The following SMCO1 variants were observed in gnomAD, a reference collection of about 807,000 sequenced individuals.
SMCO1 encodes single-pass membrane and coiled-coil domain-containing protein 1.
In SMCO1, 9 loss-of-function variants were observed where a neutral mutation model predicts 7.5. That is an observed-to-expected ratio of 1.20 (90% confidence interval 0.72 to 2.09). The LOEUF is 2.09. Ranked by LOEUF, SMCO1 falls within the 30% of genes most tolerant of loss-of-function variation. The pLI is 0.00. For missense variants in SMCO1, 219 were observed against 253.1 expected (o/e 0.87, Z 0.91); for synonymous variants, 90 against 93.8 (o/e 0.96, Z 0.23).
upstream of SMCO1, among the ~76,000 whole-genome samples, chr3:196,517,961 AG>A: frequency 6.6e-6 from 1 of 152,374 alleles, no homozygotes. Context: ...TGGAAAAACC[AG>A]ACCTGCAAGC....
intron 1 of SMCO1, among the ~76,000 whole-genome samples, chr3:196,512,944 C>G (rs1252229410): frequency 6.6e-6 from 1 of 152,216 alleles, no homozygotes; most frequent in Non-Finnish European, 1.5e-5. Flanking sequence ...CTGCTTTACA[C>G]ATAGATAAGA....
chr3:196,508,080 T>C lies in SMCO1; in HGVS notation c.452A>G (p.Glu151Gly). The part of the protein sequence containing the change: ...TFFIARGNKA[E>G]HYTAKVRQMY... The stretch of plus-strand genomic sequence containing the variant: ...CTGCCTCACTTTAGCAGTATAGTGT[T>C]CTGCCTTGTTACCACGTGCAATAAA... Residue 151 changes from glutamate to glycine, a missense_variant, in exon 3 of 3, where the codon GAA (glutamate) becomes GGA (glycine). Transcript: ENST00000397537. 2 of 1,614,194 alleles carry C rather than the reference T, an allele frequency of 1.2e-6. No homozygotes were observed. Among genetic ancestry groups the C allele is most frequent in the Non-Finnish European group, 1.7e-6 (2 of 1,180,034 alleles).
At chr3:196,511,206 T>A (rs867048086) in intron 1 of SMCO1, among the ~76,000 whole-genome samples, 809 of 77,048 alleles carry the variant, frequency 0.01, 76 homozygotes, top group African/African-American at 0.048. Flanking sequence ...CTAGATTGTC[T>A]TTATGAGGGA....
upstream of SMCO1, among the ~76,000 whole-genome samples, chr3:196,518,866 G>A (rs187605990): frequency 1.3e-5 from 2 of 152,284 alleles, no homozygotes; most frequent in East Asian, 3.9e-4. Flanking sequence ...GGAGAACATG[G>A]AGACCCCCCC....
Position 196,515,346 on chromosome 3 carries a change from T to C in SMCO1, c.-137A>G. The C allele has an allele frequency of 1.5e-6, 1 of 662,984 alleles. No individual in the cohort carries two copies. Among genetic ancestry groups the C allele is most frequent in the Non-Finnish European group, 2.7e-6 (1 of 371,298 alleles). 41.1% of individuals were successfully genotyped at this position (662,984 alleles called of 1,614,324 possible). On this transcript the variant is annotated 5_prime_UTR_variant, in exon 1 of 3. Coordinates refer to ENST00000397537, the MANE Select transcript of SMCO1 (RefSeq NM_001077657.3). ...AGGAGCGCTCAGTCTACATTCTGCC[T>C]GAAAGGTCACTCAGTACAAGAAGCT... is the stretch of plus-strand genomic sequence containing the variant.
chr3:196,508,062 A>G lies in SMCO1; in HGVS notation c.470T>C (p.Val157Ala), dbSNP rs745316185. The change falls in exon 3 of 3, where the codon GTG becomes GCG. Residue 157 changes from valine (V) to alanine (A), a missense_variant. Coordinates refer to ENST00000397537, the MANE Select transcript of SMCO1 (RefSeq NM_001077657.3). Reference sequence around the variant, plus strand: ...GACATCCCTGATGTACATCTGCCTCACTTTAGCAGTATAGTGTTCTGCCTT... The same window carrying G: ...GACATCCCTGATGTACATCTGCCTCGCTTTAGCAGTATAGTGTTCTGCCTT... ...GNKAEHYTAK[V>A]RQMYIRDVTF... 1 of 1,614,134 alleles carries G rather than the reference A, an allele frequency of 6.2e-7. No individual in the cohort carries two copies. The highest frequency in any genetic ancestry group is 1.1e-5 in the South Asian group (1 of 91,080).
chr3:196,508,276 A>G lies in SMCO1; in HGVS notation c.256T>C (p.Cys86Arg). Reference protein sequence around the residue: ...LYSYVIEVLICLHTRVLEKLP... With the variant: ...LYSYVIEVLIRLHTRVLEKLP... ...TTCTCAAGCACACGAGTATGCAAGCAGATAAGTACTTCAATGACGTAGCTG... is the reference window on the plus strand; with the variant it reads ...TTCTCAAGCACACGAGTATGCAAGCGGATAAGTACTTCAATGACGTAGCTG... Residue 86 changes from cysteine to arginine, a missense_variant, in exon 3 of 3, where the codon TGC becomes CGC. Cys to Arg is a radical substitution (Grantham distance 180). Transcript: ENST00000397537. The G allele has an allele frequency of 1.9e-6, 3 of 1,614,136 alleles. No individual in the cohort carries two copies. Among genetic ancestry groups the G allele is most frequent in the South Asian group, 2.2e-5 (2 of 91,066 alleles).
rs1172282191 is a variant in SMCO1, at chr3:196,507,061, T to C, written c.*826A>G. ...AAGCACCATTCAGAAATAGGCACGATAGTGTAGAGGACCAATCGCGGAAGG... is the reference window on the plus strand; with the variant it reads ...AAGCACCATTCAGAAATAGGCACGACAGTGTAGAGGACCAATCGCGGAAGG... On this transcript the variant is annotated 3_prime_UTR_variant, in exon 3 of 3. Transcript: ENST00000397537. The C allele has an allele frequency of 1.3e-5, 2 of 152,330 alleles. No homozygotes were observed. The highest frequency in any genetic ancestry group is 4.1e-4 in the South Asian group (2 of 4,824). 9.4% of individuals were successfully genotyped at this position (152,330 alleles called of 1,614,324 possible). A position where few individuals can be genotyped will look rare whatever the true frequency, so the allele number is the denominator to read the frequency against.
chr3:196,509,778 A>G, intron 1 of SMCO1, 109 bp from the exon 2 acceptor site: 1 of 952,028 alleles, frequency 1.1e-6, no homozygotes, highest in South Asian at 2.9e-5. Context: ...AAATTTGGAT[A>G]ACTTTTTTTT....
intron 2 of SMCO1, among the ~76,000 whole-genome samples, chr3:196,508,542 G>A (rs1733119755): frequency 6.6e-6 from 1 of 151,808 alleles, no homozygotes; most frequent in African/African-American, 2.4e-5. Context: ...TGCCCAGGCT[G>A]TTCTCAAACT....
chr3:196,520,416 A>ATTGAATGTCCCAACCC, the SMCO1 span, among the ~76,000 whole-genome samples: 1 of 152,280 alleles, frequency 6.6e-6, no homozygotes, highest in South Asian at 2.1e-4. Flanking sequence ...TGAGACAGCT[A>ATTGAATGTCCCAACCC]TTGAATGTCC....
upstream of SMCO1, among the ~76,000 whole-genome samples, chr3:196,519,436 T>A (rs527639272): frequency 1.4e-4 from 21 of 152,350 alleles, 1 homozygote; most frequent in South Asian, 4.1e-3. Context: ...GCTGCTTCTG[T>A]GAATAGGAAA....
chr3:196,507,926 C>T lies in SMCO1; in HGVS notation c.606G>A (p.Lys202=). 1 of 1,613,942 alleles carries T rather than the reference C, an allele frequency of 6.2e-7. No homozygotes were observed. Among genetic ancestry groups the T allele is most frequent in the Non-Finnish European group, 8.5e-7 (1 of 1,179,912 alleles). ...ATGGTATCAACTCTTCGAGGGATGA[C>T]TTTTGCTTTTCAGGGGTCCTAACTG... ...GKAVRTPEKQ[K]SSLEELIPSV... The change falls in exon 3 of 3, where the codon AAG becomes AAA. Residue 202 remains lysine, a synonymous_variant. Coordinates refer to ENST00000397537, the MANE Select transcript of SMCO1 (RefSeq NM_001077657.3).
At chr3:196,508,818 T>C (rs1733130012) in intron 2 of SMCO1, among the ~76,000 whole-genome samples, 1 of 148,066 alleles carries the variant, frequency 6.8e-6, no homozygotes, top group African/African-American at 2.5e-5. Flanking sequence ...GCGCCTGTAA[T>C]CCCAGCTACT....
At position 196,507,981 on chromosome 3, in the gene SMCO1, C is replaced by T. The variant is rs1264254721; in HGVS notation, c.551G>A (p.Arg184Lys). ...KNQALQDSLL[R>K]AVQVIEKGKA... ...CCCCTTCTCAATTACCTGCACAGCC[C>T]TCAGCAAACTGTCCTGCAGAGCCTG... Residue 184 changes from arginine (R) to lysine (K), a missense_variant, in exon 3 of 3, where the codon AGG (arginine) becomes AAG (lysine). Transcript: ENST00000397537. 4.3e-6 allele frequency: 7 copies of T among 1,614,038 alleles called. No individual in the cohort carries two copies. The highest frequency in any genetic ancestry group is 5.1e-6 in the Non-Finnish European group (6 of 1,180,038).
upstream of SMCO1, among the ~76,000 whole-genome samples, chr3:196,518,873 C>T (rs1198701826): frequency 6.6e-6 from 1 of 152,160 alleles, no homozygotes; most frequent in Non-Finnish European, 1.5e-5. Context: ...ATGGAGACCC[C>T]CCCAATACCC....
rs1481795104 is a variant in SMCO1 at position 196,508,376 on chromosome 3, A to G, written c.201-45T>C. 2.7e-6 allele frequency: 4 copies of G among 1,482,964 alleles called. No homozygotes were observed. The Admixed American group carries it at 6.7e-5, about 25-fold the overall frequency. 91.9% of individuals were successfully genotyped at this position (1,482,964 alleles called of 1,614,324 possible). A position where few individuals can be genotyped will look rare whatever the true frequency, so the allele number is the denominator to read the frequency against. On this transcript the variant is annotated intron_variant, in intron 2 of 2. Transcript: ENST00000397537. The stretch of plus-strand genomic sequence containing the variant: ...CTTCTTAAGCGGTCAAAAATATTTT[A>G]TATAGAAACAGAAAATGAATTCTTT...
intron 2 of SMCO1, among the ~76,000 whole-genome samples, chr3:196,508,754 T>C (rs1733127581): frequency 6.6e-6 from 1 of 150,614 alleles, no homozygotes; most frequent in Admixed American, 6.6e-5. Context: ...CTGGCCAACA[T>C]GGTGAAACCC....
chr3:196,517,023 C>T (rs146016432), upstream of SMCO1, among the ~76,000 whole-genome samples: 215 of 142,418 alleles, frequency 1.5e-3, no homozygotes, highest in Middle Eastern at 0.015. Flanking sequence ...CGCTCAAACC[C>T]GGGAGGTGGA....
Sources: gnomAD v4.1 joint callset for allele counts (sites outside exome capture counted in the v4.1 genomes callset) on GRCh38, gnomAD v4.1.1 for gene constraint, MANE v1.5 for transcripts, NCBI Gene and HGNC (gene_info 2026-07-23, HGNC 2026-07-21) for gene names.